The following MMP14 variants were observed in gnomAD, a reference collection of about 807,000 sequenced individuals.
MMP14 encodes the protein matrix metalloproteinase-14.
MMP14 carries 13 observed loss-of-function variants against 64.8 expected under a neutral mutation model. The ratio of observed to expected loss-of-function variants is 0.20; its 90% CI spans 0.13 to 0.32. The LOEUF (loss-of-function observed/expected upper bound fraction) is 0.32. Ranked by LOEUF, MMP14 falls within the 10% of genes least tolerant of loss-of-function variation. The pLI, the probability that MMP14 is intolerant of heterozygous loss-of-function variation, is 1.00. For synonymous variants in MMP14, 322 were observed against 315.9 expected (o/e 1.02, Z -0.20); for missense variants, 594 against 783.8 (o/e 0.76, Z 2.89).
In MMP14 at chr14:22,842,043, C is replaced by T; in HGVS notation, c.380+8C>T. ...TAATGAAATCACTTTCTGGTGAGTCCAACAGGCAAGCAACCTTTCTCACAT... is the reference window on the plus strand; with the variant it reads ...TAATGAAATCACTTTCTGGTGAGTCTAACAGGCAAGCAACCTTTCTCACAT... On this transcript the variant is annotated splice_region_variant and intron_variant, in intron 3 of 9. Transcript: ENST00000311852. This position sits in a 1 kb window ranked among gnomAD's most constrained non-coding sequence, Gnocchi z 5.3. The T allele has an allele frequency of 6.2e-7, 1 of 1,614,146 alleles. No individual in the cohort carries two copies. The highest frequency in any genetic ancestry group is 8.5e-7 in the Non-Finnish European group (1 of 1,180,014).
In MMP14 at chr14:22,843,654, C is replaced by G. The variant is rs2236304; in HGVS notation, c.851-56C>G. On this transcript the variant is annotated intron_variant, in intron 5 of 9. Transcript: ENST00000311852. This position sits in a 1 kb window ranked among gnomAD's most constrained non-coding sequence, Gnocchi z 4.8. ...GGGTATTGTCTGCCCATCTGTCTGT[C>G]CTTCCGTCCCCGCCTCCTCCTAAGT... is the stretch of plus-strand genomic sequence containing the variant. The G allele has an allele frequency of 0.32, 490,509 of 1,541,604 alleles. 81,272 individuals carry two copies. Among genetic ancestry groups the G allele is most frequent in the East Asian group, 0.47 (20,825 of 44,050 alleles).
chr14:22,844,237 C>CT, intron 6 of MMP14, 134 bp from the exon 7 acceptor site: 2 of 1,299,186 alleles, frequency 1.5e-6, no homozygotes, highest in South Asian at 2.8e-5. Flanking sequence ...GGTAGGGCGG[C>CT]TGGGTGGAAG....
At position 22,846,385 on chromosome 14, in the gene MMP14, A is replaced by T. The variant is rs2039813915; in HGVS notation, c.*346A>T. ...CAGGACCCTCAGACCTCGCTGGTAA[A>T]GGTCAAATGGGGTCATCTGCTCCTT... is the stretch of plus-strand genomic sequence containing the variant. On this transcript the variant is annotated 3_prime_UTR_variant, in exon 10 of 10. Coordinates refer to ENST00000311852, the MANE Select transcript of MMP14 (RefSeq NM_004995.4). The T allele has an allele frequency of 3.6e-6, 1 of 278,136 alleles. No individual in the cohort carries two copies. Among genetic ancestry groups the T allele is most frequent in the African/African-American group, 2.2e-5 (1 of 45,478 alleles). 17.2% of individuals were successfully genotyped at this position (278,136 alleles called of 1,614,324 possible).
chr14:22,843,659 C>T lies in MMP14; in HGVS notation c.851-51C>T, dbSNP rs764952972. 22 of 1,551,078 alleles carry T rather than the reference C, an allele frequency of 1.4e-5. No individual in the cohort carries two copies. The highest frequency in any genetic ancestry group is 5.5e-5 in the African/African-American group (4 of 72,244). ...TTGTCTGCCCATCTGTCTGTCCTTC[C>T]GTCCCCGCCTCCTCCTAAGTCTGAA... On this transcript the variant is annotated intron_variant, in intron 5 of 9. Transcript: ENST00000311852. The surrounding 1 kb of genome is among the most constrained non-coding windows in gnomAD (Gnocchi z 4.8).
intron 1 of MMP14, among the ~76,000 whole-genome samples, chr14:22,837,735 G>C (rs944372516): frequency 3.3e-5 from 5 of 152,192 alleles, no homozygotes; most frequent in Non-Finnish European, 7.3e-5. Flanking sequence ...GGTCTGGTCC[G>C]GGGTGCCCTC....
In MMP14 at chr14:22,842,390, C is replaced by G; in HGVS notation, c.381-20C>G. Reference sequence around the variant, plus strand: ...TTATCCTAACACACCCCATCCTCTCCCCACGTGGCTGGACCTCAGCATCCA... The same window carrying G: ...TTATCCTAACACACCCCATCCTCTCGCCACGTGGCTGGACCTCAGCATCCA... On this transcript the variant is annotated intron_variant, in intron 3 of 9. Transcript: ENST00000311852. This position sits in a 1 kb window ranked among gnomAD's most constrained non-coding sequence, Gnocchi z 5.3. The G allele has an allele frequency of 6.3e-7, 1 of 1,597,718 alleles. No individual in the cohort carries two copies. The highest frequency in any genetic ancestry group is 1.1e-5 in the South Asian group (1 of 88,404).
chr14:22,843,148 G>T lies in MMP14; in HGVS notation c.689-109G>T. 1 of 1,342,574 alleles carries T rather than the reference G, an allele frequency of 7.4e-7. No individual in the cohort carries two copies. The highest frequency in any genetic ancestry group is 2.4e-5 in the East Asian group (1 of 42,538). The allele number at this position is 1,342,574 out of a possible 1,614,324, so 83.2% of individuals were successfully genotyped here. On this transcript the variant is annotated intron_variant, in intron 4 of 9. Transcript: ENST00000311852. The surrounding 1 kb of genome is among the most constrained non-coding windows in gnomAD (Gnocchi z 4.8). ...CCTCAGAATTTGGCCACTTTGGATT[G>T]AAAACATGGGCAGCAGGCTTGGAGG...
intron 1 of MMP14, among the ~76,000 whole-genome samples, chr14:22,840,336 C>T (rs1427754061): frequency 6.6e-6 from 1 of 152,206 alleles, no homozygotes; most frequent in Non-Finnish European, 1.5e-5. Flanking sequence ...ACTTTCTCCT[C>T]AACAGGGCTT....
chr14:22,839,434 C>A (rs2039757440), intron 1 of MMP14, among the ~76,000 whole-genome samples: 1 of 152,258 alleles, frequency 6.6e-6, no homozygotes, highest in Admixed American at 6.5e-5. Context: ...CTGCTTGGCT[C>A]CCTCTGGTAT....
Position 22,841,574 on chromosome 14 carries a change from C to T in MMP14, c.192C>T (p.Ala64=). 6.2e-7 allele frequency: 1 copy of T among 1,614,134 alleles called. No homozygotes were observed. The highest frequency in any genetic ancestry group is 8.5e-7 in the Non-Finnish European group (1 of 1,180,020). Reference sequence around the variant, plus strand: ...GCTCACCCCAGTCACTCTCAGCGGCCATCGCTGCCATGCAGAAGTTTTACG... The same window carrying T: ...GCTCACCCCAGTCACTCTCAGCGGCTATCGCTGCCATGCAGAAGTTTTACG... ...TQRSPQSLSA[A]IAAMQKFYGL... Residue 64 remains alanine (A), a synonymous_variant, in exon 2 of 10, where the codon GCC becomes GCT. Coordinates refer to ENST00000311852, the MANE Select transcript of MMP14 (RefSeq NM_004995.4).
chr14:22,838,853 T>TG (rs1322052768), intron 1 of MMP14, among the ~76,000 whole-genome samples: 1 of 152,080 alleles, frequency 6.6e-6, no homozygotes, highest in Admixed American at 6.5e-5. Context: ...TGCCTAGGCC[T>TG]GGGGGGAGGA....
Position 22,846,227 on chromosome 14 carries a change from A to C in MMP14, c.*188A>C. The C allele has an allele frequency of 3.3e-6, 2 of 613,024 alleles. No homozygotes were observed. Among genetic ancestry groups the C allele is most frequent in the Admixed American group, 3.1e-5 (1 of 31,928 alleles). The allele number at this position is 613,024 out of a possible 1,614,324, so 38.0% of individuals were successfully genotyped here. A position where few individuals can be genotyped will look rare whatever the true frequency, so the allele number is the denominator to read the frequency against. On this transcript the variant is annotated 3_prime_UTR_variant, in exon 10 of 10. Coordinates refer to ENST00000311852, the MANE Select transcript of MMP14 (RefSeq NM_004995.4). ...TCCCTCCCTCCTGCCCCGGCATTGC[A>C]TCTTCCCTAGATAGGTCCCCTGAGG...
In MMP14 at chr14:22,836,767, G is replaced by A. The variant is rs568192761; in HGVS notation, c.-51G>A. 4 of 1,229,992 alleles carry A rather than the reference G, an allele frequency of 3.3e-6. No homozygotes were observed. The highest frequency in any genetic ancestry group is 2.9e-5 in the South Asian group (2 of 68,442). The allele number at this position is 1,229,992 out of a possible 1,614,324, so 76.2% of individuals were successfully genotyped here. On this transcript the variant is annotated 5_prime_UTR_variant, in exon 1 of 10. Transcript: ENST00000311852. Reference sequence around the variant, plus strand: ...GAGTGGCGGTGCGACCCCAGGGCGTGGGCCCGGCCGCGGAGCCCACACTGC... The same window carrying A: ...GAGTGGCGGTGCGACCCCAGGGCGTAGGCCCGGCCGCGGAGCCCACACTGC...
At chr14:22,837,518 G>A in intron 1 of MMP14, 2 of 381,858 alleles carry the variant, frequency 5.2e-6, no homozygotes, top group South Asian at 1.9e-5. Flanking sequence ...GTCCCTACCC[G>A]CATCCCTGGC....
In MMP14 at chr14:22,846,734, GAAGAAA is replaced by G. The variant is rs1365034124; in HGVS notation, c.*696_*701del. 6.5e-6 allele frequency: 1 copy of G among 152,758 alleles called. No homozygotes were observed. Among genetic ancestry groups the G allele is most frequent in the Non-Finnish European group, 1.5e-5 (1 of 68,094 alleles). The allele number at this position is 152,758 out of a possible 1,614,324, so 9.5% of individuals were successfully genotyped here. ...TGAGCCACTGGGGACTAAGTGGGCA[GAAGAAA>G]CCCTTGGCAGCCCTGTGCCTCTCGA... On this transcript the variant is annotated 3_prime_UTR_variant, in exon 10 of 10. Transcript: ENST00000311852.
chr14:22,840,680 T>C (rs1405505207), intron 1 of MMP14, among the ~76,000 whole-genome samples: 1 of 152,018 alleles, frequency 6.6e-6, no homozygotes. Context: ...GGCTAATATT[T>C]TTTGTATTTT....
At position 22,842,615 on chromosome 14, in the gene MMP14, G is replaced by A. The variant is rs1448053873; in HGVS notation, c.586G>A (p.Gly196Ser). 6.2e-7 allele frequency: 1 copy of A among 1,614,194 alleles called. No individual in the cohort carries two copies. The highest frequency in any genetic ancestry group is 8.5e-7 in the Non-Finnish European group (1 of 1,180,034). ...CGACAGCACGCCCTTCGATGGTGAG[G>A]GCGGCTTCCTGGCCCATGCCTACTT... ...HGDSTPFDGE[G>S]GFLAHAYFPG... The change falls in exon 4 of 10, where the codon GGC becomes AGC. Residue 196 changes from glycine to serine, a missense_variant. Coordinates refer to ENST00000311852, the MANE Select transcript of MMP14 (RefSeq NM_004995.4). The surrounding 1 kb of genome is among the most constrained non-coding windows in gnomAD (Gnocchi z 5.3).
chr14:22,842,259 C>T lies in MMP14; in HGVS notation c.381-151C>T, dbSNP rs1406429152. On this transcript the variant is annotated intron_variant, in intron 3 of 9. Coordinates refer to ENST00000311852, the MANE Select transcript of MMP14 (RefSeq NM_004995.4). This position sits in a 1 kb window ranked among gnomAD's most constrained non-coding sequence, Gnocchi z 5.3. ...GCCTGAGGATCCCTTGTTCTTGAGA[C>T]AGAGGCGTTGCGCATGAGGTAGCAG... The T allele has an allele frequency of 3.8e-6, 4 of 1,044,728 alleles. No individual in the cohort carries two copies. In the Admixed American group the frequency reaches 7.8e-5, roughly 20 times the overall value. 64.7% of individuals were successfully genotyped at this position (1,044,728 alleles called of 1,614,324 possible). A position where few individuals can be genotyped will look rare whatever the true frequency, so the allele number is the denominator to read the frequency against.
Position 22,843,629 on chromosome 14 carries a change from G to A in MMP14, c.851-81G>A. On this transcript the variant is annotated intron_variant, in intron 5 of 9. Transcript: ENST00000311852. The surrounding 1 kb of genome is among the most constrained non-coding windows in gnomAD (Gnocchi z 4.8). ...TAGAAGCCCATCCACACCTTTCCAA[G>A]GGTATTGTCTGCCCATCTGTCTGTC... The A allele has an allele frequency of 6.7e-7, 1 of 1,490,336 alleles. No individual in the cohort carries two copies. 92.3% of individuals were successfully genotyped at this position (1,490,336 alleles called of 1,614,324 possible).
Sources: allele counts gnomAD v4.1 joint callset (sites outside exome capture counted in the v4.1 genomes callset), GRCh38; gene constraint gnomAD v4.1.1; non-coding constraint Gnocchi (gnomAD v3.1); transcripts MANE v1.5; gene names NCBI Gene and HGNC (gene_info 2026-07-23, HGNC 2026-07-21).